The following KLHDC1 variants were observed in gnomAD, a reference collection of about 807,000 sequenced individuals.
KLHDC1 encodes the protein kelch domain-containing protein 1.
Under a neutral mutation model 68.3 loss-of-function variants are expected in KLHDC1, and 53 were observed. The ratio of observed to expected loss-of-function variants is 0.78; its 90% CI spans 0.62 to 0.98. KLHDC1 has a LOEUF of 0.98. Among genes scored for constraint, KLHDC1 ranks in the 50% least tolerant of loss-of-function variants. The pLI, the probability that KLHDC1 is intolerant of heterozygous loss-of-function variation, is 0.00. For missense variants in KLHDC1, 470 were observed against 492.3 expected (o/e 0.95, Z 0.43); for synonymous variants, 148 against 159.0 (o/e 0.93, Z 0.52).
rs774849141 is a variant in KLHDC1 at position 49,710,409 on chromosome 14, T to C, written c.404+28T>C. The C allele has an allele frequency of 6.3e-6, 7 of 1,112,696 alleles. No individual in the cohort carries two copies. The Admixed American group carries it at 1.2e-4, about 19-fold the overall frequency. The allele number at this position is 1,112,696 out of a possible 1,614,324, so 68.9% of individuals were successfully genotyped here. On this transcript the variant is annotated intron_variant, in intron 4 of 12. Coordinates refer to ENST00000359332, the MANE Select transcript of KLHDC1 (RefSeq NM_172193.3). ...AATGCAGCAGTTGCACTTAATGCAT[T>C]ATGTCTACCTAAGCAAAGATAATAG... is the stretch of plus-strand genomic sequence containing the variant.
intron 4 of KLHDC1, among the ~76,000 whole-genome samples, chr14:49,713,838 ATATATATATATATTT>A (rs1422559431): frequency 1.6e-4 from 1 of 6,168 alleles, no homozygotes; most frequent in East Asian, 7.7e-3. Context: ...ATATATATAT[ATATATATATATATTT>A]TTTTTTTTTT....
intron 10 of KLHDC1, among the ~76,000 whole-genome samples, chr14:49,738,727 A>G (rs1366276774): frequency 2.0e-5 from 3 of 152,204 alleles, no homozygotes; most frequent in African/African-American, 7.2e-5. Flanking sequence ...TTAAGAAGCC[A>G]TAAAATTAGA....
chr14:49,714,006 C>G (rs1208146533), intron 4 of KLHDC1, among the ~76,000 whole-genome samples: 2 of 149,058 alleles, frequency 1.3e-5, no homozygotes, highest in African/African-American at 4.9e-5. Flanking sequence ...GCCACCAAAC[C>G]TGGCTAATTT....
At chr14:49,735,203 T>C (rs573858690) in intron 10 of KLHDC1, among the ~76,000 whole-genome samples, 11 of 151,878 alleles carry the variant, frequency 7.2e-5, no homozygotes, top group Non-Finnish European at 1.6e-4. Context: ...TTTTAGAAAT[T>C]ATATACTATT....
intron 1 of KLHDC1, among the ~76,000 whole-genome samples, chr14:49,698,520 T>G (rs1482847787): frequency 6.9e-6 from 1 of 144,032 alleles, no homozygotes; most frequent in Non-Finnish European, 1.5e-5. Context: ...TTGTTTTGTT[T>G]TGTTTTGTTT....
chr14:49,724,962 C>T (rs1292125245), intron 5 of KLHDC1, among the ~76,000 whole-genome samples: 1 of 151,330 alleles, frequency 6.6e-6, no homozygotes, highest in Non-Finnish European at 1.5e-5. Flanking sequence ...GGTAACATGG[C>T]GAGACCCTGT....
intron 10 of KLHDC1, among the ~76,000 whole-genome samples, 183 bp from the exon 11 acceptor site, chr14:49,739,915 G>T (rs1391159627): frequency 6.6e-6 from 1 of 152,134 alleles, no homozygotes; most frequent in African/African-American, 2.4e-5. Flanking sequence ...CTTTAATGGT[G>T]TGATTTAATG....
At chr14:49,705,476 C>G (rs1358766358) in intron 1 of KLHDC1, among the ~76,000 whole-genome samples, 1 of 140,026 alleles carries the variant, frequency 7.1e-6, no homozygotes, top group South Asian at 2.5e-4. Flanking sequence ...TCAAGCAATT[C>G]TCCTGTCTCA....
intron 1 of KLHDC1, among the ~76,000 whole-genome samples, chr14:49,707,400 TG>T (rs1888082704): frequency 7.3e-6 from 1 of 137,552 alleles, no homozygotes; most frequent in Admixed American, 8.3e-5. Context: ...TAGGCTGGAG[TG>T]CAGTGGCACA....
intron 1 of KLHDC1, among the ~76,000 whole-genome samples, chr14:49,701,630 G>T (rs892065227): frequency 6.6e-6 from 1 of 152,120 alleles, no homozygotes. Flanking sequence ...TTGCACTCTA[G>T]CCTGGGCAAC....
At chr14:49,747,007 C>T (rs1477345858) in intron 12 of KLHDC1, among the ~76,000 whole-genome samples, 1 of 148,838 alleles carries the variant, frequency 6.7e-6, no homozygotes, top group Non-Finnish European at 1.5e-5. Context: ...GAGTGCAGTA[C>T]GCGATCTCAG....
chr14:49,723,998 C>A, intron 5 of KLHDC1, 46 bp downstream of exon 5: 2 of 1,052,550 alleles, frequency 1.9e-6, no homozygotes, highest in Non-Finnish European at 2.8e-6. Context: ...GTCAGTATAG[C>A]CTTAACATCT....
At chr14:49,698,990 C>A (rs1010504199) in intron 1 of KLHDC1, among the ~76,000 whole-genome samples, 8 of 151,272 alleles carry the variant, frequency 5.3e-5, no homozygotes, top group African/African-American at 1.9e-4. Flanking sequence ...CGGCGAAACC[C>A]CGTCTCTATT....
chr14:49,711,559 C>G (rs897024606), intron 4 of KLHDC1, among the ~76,000 whole-genome samples: 1 of 152,054 alleles, frequency 6.6e-6, no homozygotes, highest in African/African-American at 2.4e-5. Context: ...AGGCTGGCCT[C>G]GAACTCCTGA....
At chr14:49,706,134 C>T (rs1288846278) in intron 1 of KLHDC1, among the ~76,000 whole-genome samples, 1 of 152,162 alleles carries the variant, frequency 6.6e-6, no homozygotes, top group African/African-American at 2.4e-5. Flanking sequence ...CCACTCCCAC[C>T]TCCCACTAAC....
chr14:49,725,630 A>G, intron 5 of KLHDC1, 56 bp from the exon 6 acceptor site: 2 of 905,962 alleles, frequency 2.2e-6, no homozygotes, highest in Admixed American at 5.2e-5. Context: ...ATAAAACTGT[A>G]ATAATAATGT....
At chr14:49,725,181 T>C (rs1888634579) in intron 5 of KLHDC1, among the ~76,000 whole-genome samples, 1 of 152,194 alleles carries the variant, frequency 6.6e-6, no homozygotes. Context: ...TTTTCTTTGC[T>C]GACAAAGAAT....
At chr14:49,738,722 A>G (rs996044955) in intron 10 of KLHDC1, among the ~76,000 whole-genome samples, 3 of 152,130 alleles carry the variant, frequency 2.0e-5, no homozygotes, top group Non-Finnish European at 4.4e-5. Flanking sequence ...CATTTTTAAG[A>G]AGCCATAAAA....
chr14:49,696,281 C>T (rs565295935), intron 1 of KLHDC1, among the ~76,000 whole-genome samples: 1 of 150,092 alleles, frequency 6.7e-6, no homozygotes, highest in African/African-American at 2.5e-5. Context: ...AAGCAATTCT[C>T]ATGCCTCAGC....
Sources: allele counts gnomAD v4.1 joint callset (sites outside exome capture counted in the v4.1 genomes callset), GRCh38; gene constraint gnomAD v4.1.1; transcripts MANE v1.5; gene names NCBI Gene and HGNC (gene_info 2026-07-23, HGNC 2026-07-21).